The following ANKRD12 variants were observed in gnomAD, a reference collection of about 807,000 sequenced individuals.
ANKRD12 encodes the protein ankyrin repeat domain-containing protein 12.
A neutral mutation model predicts 183.4 loss-of-function variants in ANKRD12; 85 were observed. That is an observed-to-expected ratio of 0.46 (90% CI 0.39 to 0.56). The LOEUF is 0.56. Among genes scored for constraint, ANKRD12 ranks in the 20% least tolerant of loss-of-function variants. The pLI, the probability that ANKRD12 is intolerant of heterozygous loss-of-function variation, is 0.00. For missense variants in ANKRD12, 2,405 were observed against 2,357.1 expected (o/e 1.02, Z -0.42); for synonymous variants, 914 against 800.2 (o/e 1.14, Z -2.40).
chr18:9,233,613 T>C (rs2037177489), intron 8 of ANKRD12, among the ~76,000 whole-genome samples: 1 of 152,226 alleles, frequency 6.6e-6, no homozygotes. Context: ...GTTAGTTGGA[T>C]AGGGCCTTTT....
intron 1 of ANKRD12, among the ~76,000 whole-genome samples, chr18:9,174,991 G>A (rs2033130500): frequency 6.6e-6 from 1 of 151,948 alleles, no homozygotes; most frequent in African/African-American, 2.4e-5. Flanking sequence ...GTCTTGCTTT[G>A]TTGCCCGGGC....
chr18:9,172,359 A>G (rs1050094496), intron 1 of ANKRD12, among the ~76,000 whole-genome samples: 11 of 152,216 alleles, frequency 7.2e-5, no homozygotes, highest in Admixed American at 2.6e-4. Context: ...AGGCACCCCA[A>G]TCAGTCATAG....
At chr18:9,251,419 C>T (rs139691828) in intron 8 of ANKRD12, among the ~76,000 whole-genome samples, 9 of 152,252 alleles carry the variant, frequency 5.9e-5, no homozygotes, top group African/African-American at 1.9e-4. Flanking sequence ...TATCTGAAGT[C>T]GCCTTGAGAT....
chr18:9,157,583 G>GTATATATATATATATATA (rs1184683418), intron 1 of ANKRD12, among the ~76,000 whole-genome samples: 1 of 100,592 alleles, frequency 9.9e-6, no homozygotes, highest in African/African-American at 5.0e-5. Flanking sequence ...GTGTGTGTGT[G>GTATATATATATATATATA]TGTATATATA....
intron 10 of ANKRD12, among the ~76,000 whole-genome samples, chr18:9,266,161 G>A (rs1308768021): frequency 6.6e-6 from 1 of 152,202 alleles, no homozygotes; most frequent in African/African-American, 2.4e-5. Flanking sequence ...GAAAGTGACG[G>A]GGAGAATGGA....
At chr18:9,187,052 C>T (rs529797682) in intron 2 of ANKRD12, among the ~76,000 whole-genome samples, 73 of 152,212 alleles carry the variant, frequency 4.8e-4, no homozygotes, top group Admixed American at 1.6e-3. Flanking sequence ...TGAGCCACTG[C>T]GCCTGGCCGA....
At chr18:9,231,257 G>C (rs1423628273) in intron 8 of ANKRD12, among the ~76,000 whole-genome samples, 2 of 152,136 alleles carry the variant, frequency 1.3e-5, no homozygotes, top group African/African-American at 2.4e-5. Flanking sequence ...GAAAGTGTCT[G>C]TTAGGTCCTT....
intron 8 of ANKRD12, among the ~76,000 whole-genome samples, chr18:9,230,655 CTTT>C (rs113527070): frequency 6.9e-5 from 10 of 145,720 alleles, no homozygotes; most frequent in Admixed American, 1.4e-4. Flanking sequence ...CTACTTTCTT[CTTT>C]TTTTTTTTTT....
In ANKRD12 at chr18:9,262,786, C is replaced by CTTTTTTTTTTTTTTTTTTTTTTTTTT. The variant is rs775877613; in HGVS notation, c.5665-1004_5665-1003insTTTTTTTTTTTTTTTTTTTTTTTTTT. Among the ~76,000 whole-genome samples, 5 of 87,932 alleles carry CTTTTTTTTTTTTTTTTTTTTTTTTTT rather than the reference C, an allele frequency of 5.7e-5. 1 individual carries two copies. Among genetic ancestry groups the CTTTTTTTTTTTTTTTTTTTTTTTTTT allele is most frequent in the African/African-American group, 4.1e-5 (1 of 24,168 alleles). The allele number at this position is 87,932 out of a possible 152,430, so 57.7% of individuals were successfully genotyped here. A position where few individuals can be genotyped will look rare whatever the true frequency, so the allele number is the denominator to read the frequency against. On this transcript the variant is annotated intron_variant, in intron 9 of 12. Coordinates refer to ENST00000262126, the MANE Select transcript of ANKRD12 (RefSeq NM_015208.5). ...AGCCACCATGCCCAGCCAAGATGTC[C>CTTTTTTTTTTTTTTTTTTTTTTTTTT]CTTTTTTTTTTTTTTTTTTTTTTTT...
chr18:9,214,611 G>A (rs1325246623), intron 6 of ANKRD12, among the ~76,000 whole-genome samples: 1 of 152,080 alleles, frequency 6.6e-6, no homozygotes, highest in African/African-American at 2.4e-5. Flanking sequence ...CCCATTTTAA[G>A]TGCTCCTAGT....
chr18:9,254,140 G>GAA, intron 8 of ANKRD12, 71 bp from the exon 9 acceptor site: 1 of 1,423,120 alleles, frequency 7.0e-7, no homozygotes. Context: ...CTTTTTCTCA[G>GAA]AAAAAAAAAT....
intron 1 of ANKRD12, among the ~76,000 whole-genome samples, chr18:9,165,838 T>TA (rs1479918903): frequency 6.6e-6 from 1 of 150,538 alleles, no homozygotes; most frequent in Non-Finnish European, 1.5e-5. Context: ...CATTTAGCAT[T>TA]AGGTATATCT....
intron 8 of ANKRD12, among the ~76,000 whole-genome samples, chr18:9,239,810 A>T (rs1410648560): frequency 6.6e-6 from 1 of 152,248 alleles, no homozygotes; most frequent in Non-Finnish European, 1.5e-5. Flanking sequence ...AAAGTTAAAG[A>T]ATAACCAAGA....
intron 1 of ANKRD12, among the ~76,000 whole-genome samples, chr18:9,158,116 T>C (rs2030875265): frequency 6.6e-6 from 1 of 152,172 alleles, no homozygotes; most frequent in Non-Finnish European, 1.5e-5. Context: ...GAGAAACTTT[T>C]TAAAATAAAC....
At chr18:9,168,407 G>A (rs1216569246) in intron 1 of ANKRD12, among the ~76,000 whole-genome samples, 1 of 152,052 alleles carries the variant, frequency 6.6e-6, no homozygotes, top group African/African-American at 2.4e-5. Flanking sequence ...GCCTGTTATT[G>A]GTCTATTCAG....
chr18:9,166,747 T>C (rs1212317849), intron 1 of ANKRD12, among the ~76,000 whole-genome samples: 3 of 152,192 alleles, frequency 2.0e-5, no homozygotes, highest in Non-Finnish European at 4.4e-5. Flanking sequence ...CAATTTTGGC[T>C]TTTGTTGCCA....
intron 8 of ANKRD12, among the ~76,000 whole-genome samples, chr18:9,241,411 T>TC (rs2037655385): frequency 6.6e-6 from 1 of 152,180 alleles, no homozygotes; most frequent in Admixed American, 6.5e-5. Context: ...AGATAATAGT[T>TC]CAAGTCTCGT....
chr18:9,208,501 A>G (rs747200202), intron 4 of ANKRD12, among the ~76,000 whole-genome samples, 156 bp from the exon 5 acceptor site: 3 of 152,118 alleles, frequency 2.0e-5, no homozygotes, highest in African/African-American at 4.8e-5. Flanking sequence ...TTTATATAAT[A>G]TAAAACCCAT....
At chr18:9,254,172 T>A in intron 8 of ANKRD12, 39 bp from the exon 9 acceptor site, 2 of 1,450,500 alleles carry the variant, frequency 1.4e-6, no homozygotes, top group Non-Finnish European at 9.1e-7. Flanking sequence ...CAGTTGTGTT[T>A]TGTTTGACCC....
Sources: gnomAD v4.1 joint callset for allele counts (sites outside exome capture counted in the v4.1 genomes callset) on GRCh38, gnomAD v4.1.1 for gene constraint, MANE v1.5 for transcripts, NCBI Gene and HGNC (gene_info 2026-07-23, HGNC 2026-07-21) for gene names.